OR5AS1: variants seen among roughly 807,000 people sequenced by gnomAD.
OR5AS1 encodes olfactory receptor 5AS1.
For synonymous variants in OR5AS1, 196 were observed against 141.7 expected, an observed-to-expected ratio of 1.38 and a Z score of -2.72; for missense variants, 492 against 378.2, an observed-to-expected ratio of 1.30 and a Z score of -2.50.
rs1853381962 is a variant in OR5AS1, at chr11:56,034,285, T to C, written c.*2892T>C. 6.6e-6 allele frequency: 1 copy of C among 151,462 alleles called. No individual in the cohort carries two copies. Among genetic ancestry groups the C allele is most frequent in the Admixed American group, 6.6e-5 (1 of 15,202 alleles). 9.4% of individuals were successfully genotyped at this position (151,462 alleles called of 1,614,324 possible). ...ATGGAAGTAATTGGGTAATAACAAA[T>C]AGAAGAATTGGGTAATATCAAACTC... On this transcript the variant is annotated 3_prime_UTR_variant, in exon 2 of 2. Transcript: ENST00000641320.
At position 56,030,429 on chromosome 11, in the gene OR5AS1, G is replaced by A; in HGVS notation, c.11G>A (p.Ser4Asn). The change falls in exon 2 of 2, where the codon AGT becomes AAT. Residue 4 changes from serine (S) to asparagine (N), a missense_variant. Physicochemically the swap from Ser to Asn is conservative, Grantham distance 46. Transcript: ENST00000641320. Reference sequence around the variant, plus strand: ...AACAAGAAAACTAAGATGTTGGAGAGTAATTACACCATGCCAACTGAGTTC... The same window carrying A: ...AACAAGAAAACTAAGATGTTGGAGAATAATTACACCATGCCAACTGAGTTC... MLE[S>N]NYTMPTEFLF... 1.4e-6 allele frequency: 2 copies of A among 1,478,602 alleles called. No homozygotes were observed. Among genetic ancestry groups the A allele is most frequent in the Non-Finnish European group, 1.8e-6 (2 of 1,113,716 alleles). 91.6% of individuals were successfully genotyped at this position (1,478,602 alleles called of 1,614,324 possible). A position where few individuals can be genotyped will look rare whatever the true frequency, so the allele number is the denominator to read the frequency against.
At chr11:56,027,778 TTGCCTCAGATAAAATGTATCTC>T (rs1410322686) in intron 1 of OR5AS1, 66 bp downstream of exon 1, 1 of 151,456 alleles carries the variant, frequency 6.6e-6, no homozygotes, top group African/African-American at 2.4e-5. Context: ...GACCATGAAT[TTGCCTCAGATAAAATGTATCTC>T]TGCTATTTCT....
At chr11:56,029,951 A>T (rs1853330419) in intron 1 of OR5AS1, among the ~76,000 whole-genome samples, 1 of 152,112 alleles carries the variant, frequency 6.6e-6, no homozygotes, top group African/African-American at 2.4e-5. Flanking sequence ...CTGTGTGATT[A>T]CACAGTTTTA....
rs1853389220 is a variant in OR5AS1, at chr11:56,034,931, AC to A, written c.*3541del. 6.6e-6 allele frequency: 1 copy of A among 152,158 alleles called. No homozygotes were observed. The highest frequency in any genetic ancestry group is 6.5e-5 in the Admixed American group (1 of 15,280). 9.4% of individuals were successfully genotyped at this position (152,158 alleles called of 1,614,324 possible). A position where few individuals can be genotyped will look rare whatever the true frequency, so the allele number is the denominator to read the frequency against. ...ACTAACAGCGGCTGTCTCAGCAGAA[AC>A]CCTATAAGCCAGAAGTGAGTGGGGG... On this transcript the variant is annotated 3_prime_UTR_variant, in exon 2 of 2. Coordinates refer to ENST00000641320, the MANE Select transcript of OR5AS1 (RefSeq NM_001001921.2).
At position 56,035,166 on chromosome 11, in the gene OR5AS1, A is replaced by AT. The variant is rs1853391593; in HGVS notation, c.*3773_*3774insT. 6.7e-6 allele frequency: 1 copy of AT among 150,116 alleles called. No individual in the cohort carries two copies. The highest frequency in any genetic ancestry group is 1.5e-5 in the Non-Finnish European group (1 of 66,858). The allele number at this position is 150,116 out of a possible 1,614,324, so 9.3% of individuals were successfully genotyped here. The stretch of plus-strand genomic sequence containing the variant: ...ACTGGTAACAGCCACTGCAAAAAAA[A>AT]CAAATTTTAAAGAACATTGACACTA... On this transcript the variant is annotated 3_prime_UTR_variant, in exon 2 of 2. Transcript: ENST00000641320.
At position 56,030,692 on chromosome 11, in the gene OR5AS1, A is replaced by G. The variant is rs1197737942; in HGVS notation, c.274A>G (p.Ile92Val). The G allele has an allele frequency of 4.4e-6, 7 of 1,597,220 alleles. No individual in the cohort carries two copies. In the Admixed American group the frequency reaches 8.6e-5, roughly 20 times the overall value. ...AAACTTCTTGGCATCCAGGAAAAGCATCTCTCCTTATGGGTGTGCACTACA... is the reference window on the plus strand; with the variant it reads ...AAACTTCTTGGCATCCAGGAAAAGCGTCTCTCCTTATGGGTGTGCACTACA... Reference protein sequence around the residue: ...LANFLASRKSISPYGCALQMF... With the variant: ...LANFLASRKSVSPYGCALQMF... The change falls in exon 2 of 2, where the codon ATC becomes GTC. Residue 92 changes from isoleucine to valine, a missense_variant. Transcript: ENST00000641320.
chr11:56,029,997 C>A (rs765378175), intron 1 of OR5AS1, among the ~76,000 whole-genome samples: 3 of 152,042 alleles, frequency 2.0e-5, no homozygotes, highest in Non-Finnish European at 4.4e-5. Context: ...TCTCAACTCT[C>A]CTTTATGTAG....
chr11:56,031,093 G>A lies in OR5AS1; in HGVS notation c.675G>A (p.Val225=), dbSNP rs1219809153. ...FISYFCILIT[V]LSIKSSGGRS... is the part of the protein sequence containing the mutation. ...CTTACTTCTGCATCCTCATCACTGTGTTGAGCATCAAGTCCTCAGGTGGCA... is the reference window on the plus strand; with the variant it reads ...CTTACTTCTGCATCCTCATCACTGTATTGAGCATCAAGTCCTCAGGTGGCA... The change falls in exon 2 of 2, where the codon GTG becomes GTA. Residue 225 remains valine (V), a synonymous_variant. Coordinates refer to ENST00000641320, the MANE Select transcript of OR5AS1 (RefSeq NM_001001921.2). 3.1e-6 allele frequency: 5 copies of A among 1,613,870 alleles called. No homozygotes were observed. In the African/African-American group the frequency reaches 6.7e-5, roughly 22 times the overall value.
Position 56,030,499 on chromosome 11 carries a change from G to T in OR5AS1, c.81G>T (p.Leu27=). ...FTDYLPLRVT[L]FLVFLLVYTL... ...ATTATCTACCTCTCAGAGTCACACTGTTCTTGGTATTCCTTCTGGTATATA... is the reference window on the plus strand; with the variant it reads ...ATTATCTACCTCTCAGAGTCACACTTTTCTTGGTATTCCTTCTGGTATATA... Residue 27 remains leucine, a synonymous_variant, in exon 2 of 2, where the codon CTG becomes CTT. Transcript: ENST00000641320. 1 of 1,538,806 alleles carries T rather than the reference G, an allele frequency of 6.5e-7. No homozygotes were observed. Among genetic ancestry groups the T allele is most frequent in the Non-Finnish European group, 8.8e-7 (1 of 1,140,734 alleles).
In OR5AS1 at chr11:56,030,792, C is replaced by T; in HGVS notation, c.374C>T (p.Ala125Val). 1.9e-6 allele frequency: 3 copies of T among 1,614,046 alleles called. No individual in the cohort carries two copies. Among genetic ancestry groups the T allele is most frequent in the Non-Finnish European group, 2.5e-6 (3 of 1,179,968 alleles). The change falls in exon 2 of 2, where the codon GCC (alanine) becomes GTC (valine). Residue 125 changes from alanine to valine, a missense_variant. By Grantham distance (64) the Ala-to-Val change is moderately conservative (BLOSUM62 0). Transcript: ENST00000641320. The stretch of plus-strand genomic sequence containing the variant: ...GCAATGGCTTATGACCGCTATGCAG[C>T]CATCTGCAACCCACTGCTCTATACT... ...LAAMAYDRYA[A>V]ICNPLLYTTL...
rs1853357922 is a variant in OR5AS1 at position 56,032,111 on chromosome 11, T to C, written c.*718T>C. 6.6e-6 allele frequency: 1 copy of C among 152,160 alleles called. No homozygotes were observed. The highest frequency in any genetic ancestry group is 1.9e-4 in the East Asian group (1 of 5,192). 9.4% of individuals were successfully genotyped at this position (152,160 alleles called of 1,614,324 possible). A position where few individuals can be genotyped will look rare whatever the true frequency, so the allele number is the denominator to read the frequency against. On this transcript the variant is annotated 3_prime_UTR_variant, in exon 2 of 2. Transcript: ENST00000641320. Reference sequence around the variant, plus strand: ...TAGAAGACATGTAGCAATAGTCTCATTATTATTAAGTCAGAATGAAGATAC... The same window carrying C: ...TAGAAGACATGTAGCAATAGTCTCACTATTATTAAGTCAGAATGAAGATAC...
In OR5AS1 at chr11:56,033,884, G is replaced by A. The variant is rs1298536386; in HGVS notation, c.*2491G>A. 6.6e-6 allele frequency: 1 copy of A among 152,188 alleles called. No individual in the cohort carries two copies. Among genetic ancestry groups the A allele is most frequent in the Admixed American group, 6.5e-5 (1 of 15,278 alleles). 9.4% of individuals were successfully genotyped at this position (152,188 alleles called of 1,614,324 possible). Reference sequence around the variant, plus strand: ...TACCTCATAGGAGAGAGCTCCAGCTGGCATCTCACAGGTGTGCCTCTAGGA... The same window carrying A: ...TACCTCATAGGAGAGAGCTCCAGCTAGCATCTCACAGGTGTGCCTCTAGGA... On this transcript the variant is annotated 3_prime_UTR_variant, in exon 2 of 2. Coordinates refer to ENST00000641320, the MANE Select transcript of OR5AS1 (RefSeq NM_001001921.2).
chr11:56,029,262 AT>A (rs1343479796), intron 1 of OR5AS1, among the ~76,000 whole-genome samples: 1 of 152,024 alleles, frequency 6.6e-6, no homozygotes, highest in Non-Finnish European at 1.5e-5. Context: ...TTAATATTCC[AT>A]TCGCATTGTA....
At chr11:56,029,324 T>G (rs888491005) in intron 1 of OR5AS1, among the ~76,000 whole-genome samples, 1 of 152,106 alleles carries the variant, frequency 6.6e-6, no homozygotes, top group African/African-American at 2.4e-5. Flanking sequence ...TTTTTTCATT[T>G]TTCCATACAA....
Position 56,034,517 on chromosome 11 carries a change from T to A in OR5AS1, c.*3124T>A, listed in dbSNP as rs1257759323. ...AAACAGAAGGAAGGATATCAGAGAT[T>A]GAAGATCAACTTAATGAAATAAAGC... On this transcript the variant is annotated 3_prime_UTR_variant, in exon 2 of 2. Transcript: ENST00000641320. 1 of 151,928 alleles carries A rather than the reference T, an allele frequency of 6.6e-6. No individual in the cohort carries two copies. Among genetic ancestry groups the A allele is most frequent in the Non-Finnish European group, 1.5e-5 (1 of 68,018 alleles). 9.4% of individuals were successfully genotyped at this position (151,928 alleles called of 1,614,324 possible). A position where few individuals can be genotyped will look rare whatever the true frequency, so the allele number is the denominator to read the frequency against.
In OR5AS1 at chr11:56,027,872, C is replaced by G. The variant is rs150443511; in HGVS notation, c.-29+160C>G. ...TGTATGTATGTGGGCTAAGAGTGGG[C>G]AGAAGACGGTGGTAGCATAGACCTA... is the stretch of plus-strand genomic sequence containing the variant. On this transcript the variant is annotated intron_variant, in intron 1 of 1. Coordinates refer to ENST00000641320, the MANE Select transcript of OR5AS1 (RefSeq NM_001001921.2). Among the ~76,000 whole-genome samples, 221 of 150,998 alleles carry G rather than the reference C, an allele frequency of 1.5e-3. 2 individuals are homozygous for G. The highest frequency in any genetic ancestry group is 5.2e-3 in the African/African-American group (215 of 41,012).
At chr11:56,030,118 T>A (rs138045176) in intron 1 of OR5AS1, among the ~76,000 whole-genome samples, 1 of 152,230 alleles carries the variant, frequency 6.6e-6, no homozygotes, top group African/African-American at 2.4e-5. Flanking sequence ...CCTTTCAGCT[T>A]GTAAAAACTA....
chr11:56,030,866 T>A lies in OR5AS1; in HGVS notation c.448T>A (p.Phe150Ile), dbSNP rs189463727. Reference sequence around the variant, plus strand: ...TGTCTGCTTCATTGTGTTGGCATATTTCAGTGGAAGTACAACATCACTGGT... The same window carrying A: ...TGTCTGCTTCATTGTGTTGGCATATATCAGTGGAAGTACAACATCACTGGT... ...VCVCFIVLAY[F>I]SGSTTSLVHV... The change falls in exon 2 of 2, where the codon TTC becomes ATC. Residue 150 changes from phenylalanine to isoleucine, a missense_variant. Physicochemically the swap from Phe to Ile is conservative, Grantham distance 21 (BLOSUM62 0). Coordinates refer to ENST00000641320, the MANE Select transcript of OR5AS1 (RefSeq NM_001001921.2). 1 of 1,614,072 alleles carries A rather than the reference T, an allele frequency of 6.2e-7. No homozygotes were observed. Among genetic ancestry groups the A allele is most frequent in the East Asian group, 2.2e-5 (1 of 44,882 alleles).
chr11:56,036,483 A>G lies in OR5AS1; in HGVS notation c.*5090A>G, dbSNP rs538733243. 1 of 152,258 alleles carries G rather than the reference A, an allele frequency of 6.6e-6. No homozygotes were observed. Among genetic ancestry groups the G allele is most frequent in the Admixed American group, 6.5e-5 (1 of 15,282 alleles). The allele number at this position is 152,258 out of a possible 1,614,324, so 9.4% of individuals were successfully genotyped here. ...TGTTCCCACAGAAATACAAACTACC[A>G]TCAGAGAATACTATAAACACCTCCA... On this transcript the variant is annotated 3_prime_UTR_variant, in exon 2 of 2. Transcript: ENST00000641320.
Sources: allele counts gnomAD v4.1 joint callset (sites outside exome capture counted in the v4.1 genomes callset), GRCh38; gene constraint gnomAD v4.1.1; transcripts MANE v1.5; gene names NCBI Gene and HGNC (gene_info 2026-07-23, HGNC 2026-07-21).